PPME1: variants seen among roughly 807,000 people sequenced by gnomAD.
PPME1 encodes testicular secretory protein Li 39.
A neutral mutation model predicts 56.9 loss-of-function variants in PPME1; 17 were observed. The observed-to-expected ratio is 0.30, with a 90% confidence interval of 0.20 to 0.45. The LOEUF is 0.45. PPME1 is among the 20% of genes least tolerant of loss of function. The probability of loss-of-function intolerance (pLI) is 1.00; values close to 1 mark genes in which losing one functional copy is unlikely to be tolerated. For missense variants in PPME1, 357 were observed against 483.2 expected (o/e 0.74, Z 2.45); for synonymous variants, 122 against 156.2 (o/e 0.78, Z 1.63).
At chr11:74,239,299 G>A in intron 9 of PPME1, 43 bp downstream of exon 9, 1 of 1,593,940 alleles carries the variant, frequency 6.3e-7, no homozygotes, top group Non-Finnish European at 8.5e-7. Flanking sequence ...GGTATGGAAT[G>A]GTTCAAACTG....
chr11:74,241,093 G>A (rs751247942), intron 9 of PPME1, among the ~76,000 whole-genome samples: 4 of 151,650 alleles, frequency 2.6e-5, no homozygotes, highest in Non-Finnish European at 5.9e-5. Context: ...CAGTTCTGTT[G>A]AGAGGGTGAA....
chr11:74,233,601 C>A (rs1261942605), intron 7 of PPME1, among the ~76,000 whole-genome samples: 1 of 151,902 alleles, frequency 6.6e-6, no homozygotes. Context: ...TTACTTGAGG[C>A]CAGGAGTTTG....
intron 1 of PPME1, among the ~76,000 whole-genome samples, chr11:74,189,803 C>T (rs1293125539): frequency 6.6e-6 from 1 of 152,172 alleles, no homozygotes; most frequent in East Asian, 1.9e-4. Context: ...AAAATTTACT[C>T]ATATGTCATT....
At chr11:74,198,577 T>C (rs1177346634) in intron 1 of PPME1, among the ~76,000 whole-genome samples, 1 of 152,174 alleles carries the variant, frequency 6.6e-6, no homozygotes, top group Non-Finnish European at 1.5e-5. Flanking sequence ...TCCTCCTGCC[T>C]CAGCCTCCTG....
chr11:74,244,968 A>G (rs1300124201), intron 9 of PPME1, among the ~76,000 whole-genome samples: 2 of 152,098 alleles, frequency 1.3e-5, no homozygotes, highest in Admixed American at 6.5e-5. Context: ...TTCTTTCCCC[A>G]TTGAGTGGTC....
At chr11:74,208,333 C>G (rs575700107) in intron 3 of PPME1, among the ~76,000 whole-genome samples, 17 of 150,120 alleles carry the variant, frequency 1.1e-4, no homozygotes, top group African/African-American at 4.2e-4. Flanking sequence ...AAAAAAGAGA[C>G]TTTACTCTTT....
At chr11:74,201,281 CTTTTTTG>C (rs1285909189) in intron 1 of PPME1, among the ~76,000 whole-genome samples, 2 of 152,022 alleles carry the variant, frequency 1.3e-5, no homozygotes, top group Non-Finnish European at 2.9e-5. Context: ...GGCTACAGGC[CTTTTTTG>C]TTTTTTGTTT....
intron 1 of PPME1, among the ~76,000 whole-genome samples, chr11:74,200,991 T>G (rs1858147606): frequency 6.6e-6 from 1 of 151,868 alleles, no homozygotes; most frequent in South Asian, 2.1e-4. Context: ...TTTCTTTTTT[T>G]TTGAGATGGA....
Position 74,215,317 on chromosome 11 carries a change from G to C in PPME1, c.289-6995G>C, listed in dbSNP as rs149627374. Among the ~76,000 whole-genome samples, 242 of 152,242 alleles carry C rather than the reference G, an allele frequency of 1.6e-3. 1 individual carries two copies. In the East Asian group the frequency reaches 0.037, roughly 23 times the overall value. ...ATCACACCACTGCACTCAAGCCTAGGCAACTTGAGACCCTGTCTTAGAAAA... is the reference window on the plus strand; with the variant it reads ...ATCACACCACTGCACTCAAGCCTAGCCAACTTGAGACCCTGTCTTAGAAAA... On this transcript the variant is annotated intron_variant, in intron 3 of 13. Transcript: ENST00000328257.
chr11:74,205,708 G>C (rs1237070638), intron 3 of PPME1: 1 of 152,068 alleles, frequency 6.6e-6, no homozygotes, highest in Non-Finnish European at 1.5e-5. Flanking sequence ...TTTAAACATA[G>C]GCACATATTC....
rs1591058264 is a variant in PPME1 at position 74,232,368 on chromosome 11, T to G, written c.644+1366T>G. 2.6e-5 allele frequency among the ~76,000 whole-genome samples: 4 copies of G among 152,362 alleles called. No individual in the cohort carries two copies. The East Asian group carries it at 7.7e-4, about 29-fold the overall frequency. ...ACTGAATCAGATATCAAGTGGAAAT[T>G]TAGGACTTGGTAAATATATCCTAGG... On this transcript the variant is annotated intron_variant, in intron 7 of 13. Coordinates refer to ENST00000328257, the MANE Select transcript of PPME1 (RefSeq NM_016147.3).
chr11:74,207,808 G>A (rs1482411578), intron 3 of PPME1, among the ~76,000 whole-genome samples: 1 of 152,180 alleles, frequency 6.6e-6, no homozygotes, highest in East Asian at 1.9e-4. Context: ...AGCTGCAGCA[G>A]GCTAGATTTT....
At chr11:74,215,280 T>C (rs907647197) in intron 3 of PPME1, among the ~76,000 whole-genome samples, 1 of 152,042 alleles carries the variant, frequency 6.6e-6, no homozygotes, top group Admixed American at 6.6e-5. Context: ...GCAGTGGTTG[T>C]AGTGAGCTGA....
At chr11:74,236,888 C>A (rs1213354283) in intron 8 of PPME1, among the ~76,000 whole-genome samples, 1 of 152,174 alleles carries the variant, frequency 6.6e-6, no homozygotes, top group Non-Finnish European at 1.5e-5. Context: ...TCTTTAATAT[C>A]ATCAAATATC....
In PPME1 at chr11:74,199,291, G is replaced by A. The variant is rs566650802; in HGVS notation, c.102-4437G>A. ...ACTGCACTTCAGCTGTACTTCTTAG[G>A]GTATTTAACTCTTTGTACATTTTGT... On this transcript the variant is annotated intron_variant, in intron 1 of 13. Transcript: ENST00000328257. Among the ~76,000 whole-genome samples, 13 of 151,846 alleles carry A rather than the reference G, an allele frequency of 8.6e-5. No homozygotes were observed. In the South Asian group the frequency reaches 2.3e-3, roughly 27 times the overall value.
intron 1 of PPME1, among the ~76,000 whole-genome samples, chr11:74,180,120 C>T (rs1857493172): frequency 6.6e-6 from 1 of 152,134 alleles, no homozygotes; most frequent in Admixed American, 6.5e-5. Context: ...GAAGGTTTTT[C>T]CTCCTTCCCT....
chr11:74,251,925 T>C lies in PPME1; in HGVS notation c.1142+210T>C, dbSNP rs369536771. 7.8e-5 allele frequency: 58 copies of C among 746,502 alleles called. No homozygotes were observed. In the Middle Eastern group the frequency reaches 8.4e-4, roughly 11 times the overall value. The allele number at this position is 746,502 out of a possible 1,614,324, so 46.2% of individuals were successfully genotyped here. A position where few individuals can be genotyped will look rare whatever the true frequency, so the allele number is the denominator to read the frequency against. ...GTGCTGTGCTCCCACGGGTTGATGC[T>C]GAGGCTGTGATTAAATTGTGCCTAG... On this transcript the variant is annotated intron_variant, in intron 13 of 13. Coordinates refer to ENST00000328257, the MANE Select transcript of PPME1 (RefSeq NM_016147.3).
At chr11:74,214,201 GAA>G (rs1404390996) in intron 3 of PPME1, among the ~76,000 whole-genome samples, 1 of 152,086 alleles carries the variant, frequency 6.6e-6, no homozygotes, top group East Asian at 1.9e-4. Context: ...ACATAATAAA[GAA>G]TGCATCAGAG....
Position 74,222,350 on chromosome 11 carries a change from T to A in PPME1, c.327T>A (p.Ala109=). 2 of 1,611,916 alleles carry A rather than the reference T, an allele frequency of 1.2e-6. No homozygotes were observed. The highest frequency in any genetic ancestry group is 1.7e-6 in the Non-Finnish European group (2 of 1,178,078). Residue 109 remains alanine (A), a synonymous_variant, in exon 4 of 14, where the codon GCT becomes GCA. Coordinates refer to ENST00000328257, the MANE Select transcript of PPME1 (RefSeq NM_016147.3). ...GTAGAGTTCAGTGTAGGATTGTAGC[T>A]TTGGATCTGCGAAGTCATGGTGAGT... is the stretch of plus-strand genomic sequence containing the variant. The part of the protein sequence containing the change: ...IISRVQCRIV[A]LDLRSHGETK...
Sources: gnomAD v4.1 joint callset for allele counts (sites outside exome capture counted in the v4.1 genomes callset) on GRCh38, gnomAD v4.1.1 for gene constraint, MANE v1.5 for transcripts, NCBI Gene and HGNC (gene_info 2026-07-23, HGNC 2026-07-21) for gene names.